Variants in SAG observed in about 807,000 individuals in gnomAD.
SAG encodes the protein S-arrestin.
SAG carries 45 observed loss-of-function variants against 55.0 expected under a neutral mutation model. The observed-to-expected ratio is 0.82, with a 90% CI of 0.64 to 1.05. The LOEUF is 1.05. Among genes scored for constraint, SAG ranks in the 50% least tolerant of loss-of-function variants. The probability of loss-of-function intolerance (pLI) is 0.00; values close to 1 mark genes in which losing one functional copy is unlikely to be tolerated. For missense variants in SAG, 455 were observed against 512.1 expected (o/e 0.89, Z 1.08); for synonymous variants, 189 against 197.4 (o/e 0.96, Z 0.36).
At chr2:233,318,475 C>T (rs1700279279) in intron 3 of SAG, among the ~76,000 whole-genome samples, 3 of 152,116 alleles carry the variant, frequency 2.0e-5, no homozygotes, top group Admixed American at 2.0e-4. Flanking sequence ...TCGAGCAGTC[C>T]TCCTGCCTTG....
rs1428448027 is a variant in SAG, at chr2:233,329,517, C to T, written c.673C>T (p.Pro225Ser). ...GATCTATTTCCATGGGGAGCCCATC[C>T]CTGTGACCGTGACTGTCACCAATAA... ...KEIYFHGEPI[P>S]VTVTVTNNTE... The change falls in exon 9 of 16, where the codon CCT becomes TCT. Residue 225 changes from proline to serine, a missense_variant. Transcript: ENST00000409110. 1.9e-6 allele frequency: 3 copies of T among 1,613,048 alleles called. No individual in the cohort carries two copies. Among genetic ancestry groups the T allele is most frequent in the Non-Finnish European group, 2.5e-6 (3 of 1,179,062 alleles).
chr2:233,324,953 C>T (rs943526513), intron 6 of SAG, among the ~76,000 whole-genome samples: 7 of 151,990 alleles, frequency 4.6e-5, no homozygotes, highest in African/African-American at 7.2e-5. Flanking sequence ...AGACAGGGTG[C>T]GGTGGCTCAT....
chr2:233,322,807 G>A lies in SAG; in HGVS notation c.376-139G>A, dbSNP rs1433409822. On this transcript the variant is annotated intron_variant, in intron 5 of 15. Transcript: ENST00000409110. ...GGTTATGTTAGCAATATGTATTTGG[G>A]TGTCAGGAGTATAGGTGAATGTGAT... is the stretch of plus-strand genomic sequence containing the variant. The A allele has an allele frequency of 1.8e-5, 11 of 626,002 alleles. No homozygotes were observed. The East Asian group carries it at 3.1e-4, about 18-fold the overall frequency. 38.8% of individuals were successfully genotyped at this position (626,002 alleles called of 1,614,324 possible). A position where few individuals can be genotyped will look rare whatever the true frequency, so the allele number is the denominator to read the frequency against.
At chr2:233,325,867 G>A (rs970252202) in intron 6 of SAG, among the ~76,000 whole-genome samples, 1 of 152,046 alleles carries the variant, frequency 6.6e-6, no homozygotes, top group Non-Finnish European at 1.5e-5. Context: ...CCAGGTGGGC[G>A]AGCAGAACAG....
At position 233,340,217 on chromosome 2, in the gene SAG, A is replaced by C. The variant is rs939063078; in HGVS notation, c.1023-238A>C. On this transcript the variant is annotated intron_variant, in intron 12 of 15. Transcript: ENST00000409110. This position sits in a 1 kb window ranked among gnomAD's most constrained non-coding sequence, Gnocchi z 4.2. ...AGTGATCCGCCCACCTCGGCCTCCC[A>C]AAGTGCTGGGATTACAGGCATGATC... Among the ~76,000 whole-genome samples the C allele has an allele frequency of 6.6e-6, 1 of 152,092 alleles. No individual in the cohort carries two copies. Among genetic ancestry groups the C allele is most frequent in the Non-Finnish European group, 1.5e-5 (1 of 68,012 alleles).
chr2:233,331,616 C>G, intron 9 of SAG, 24 bp from the exon 10 acceptor site: 1 of 1,561,508 alleles, frequency 6.4e-7, no homozygotes, highest in South Asian at 1.1e-5. Flanking sequence ...TGCTGACCAC[C>G]GGACTCCCGT....
chr2:233,329,387 C>T (rs776726934), intron 8 of SAG, 106 bp from the exon 9 acceptor site: 31 of 725,028 alleles, frequency 4.3e-5, no homozygotes, highest in East Asian at 3.7e-4. Flanking sequence ...TAAATTCTGC[C>T]GCTTTTATTC....
chr2:233,330,535 T>C (rs1382176756), intron 9 of SAG, among the ~76,000 whole-genome samples: 2 of 134,648 alleles, frequency 1.5e-5, no homozygotes, highest in South Asian at 2.4e-4. Flanking sequence ...CTTCCTTCCT[T>C]CCTTCCTCCC....
At chr2:233,339,023 G>A (rs1701021825) in intron 12 of SAG, among the ~76,000 whole-genome samples, 1 of 152,232 alleles carries the variant, frequency 6.6e-6, no homozygotes, top group Admixed American at 6.5e-5. Flanking sequence ...ATATGTGCAT[G>A]TGGTAGAAGC....
intron 1 of SAG, 31 bp from the exon 2 acceptor site, chr2:233,309,131 C>A: frequency 7.3e-7 from 1 of 1,373,040 alleles, no homozygotes; most frequent in Non-Finnish European, 1.0e-6. Flanking sequence ...TACCTTTCTC[C>A]AACCCTCTAA....
chr2:233,322,821 G>A, intron 5 of SAG, 125 bp from the exon 6 acceptor site: 1 of 673,280 alleles, frequency 1.5e-6, no homozygotes, highest in Non-Finnish European at 2.6e-6. Flanking sequence ...CAGGAGTATA[G>A]GTGAATGTGA....
intron 13 of SAG, among the ~76,000 whole-genome samples, chr2:233,341,395 C>T (rs1701098837): frequency 6.6e-6 from 1 of 152,188 alleles, no homozygotes; most frequent in African/African-American, 2.4e-5. Flanking sequence ...ATTTAAAAGG[C>T]AGCTGTCACT....
intron 14 of SAG, chr2:233,344,101 AAGAT>A (rs1253031185): frequency 2.0e-5 from 3 of 152,486 alleles, no homozygotes; most frequent in African/African-American, 7.2e-5. Context: ...GGACATTAAA[AAGAT>A]AGTCACTTGA....
At chr2:233,308,978 C>T in intron 1 of SAG, 184 bp from the exon 2 acceptor site, 1 of 491,066 alleles carries the variant, frequency 2.0e-6, no homozygotes, top group Admixed American at 3.4e-5. Flanking sequence ...CCAAAGCATG[C>T]TGCAGTAAAA....
chr2:233,318,948 A>C (rs761012538), intron 4 of SAG, 153 bp downstream of exon 4: 1 of 755,614 alleles, frequency 1.3e-6, no homozygotes, highest in Admixed American at 1.9e-5. Flanking sequence ...ACTGACCCAC[A>C]CTCCTGTACC....
intron 1 of SAG, 34 bp from the exon 2 acceptor site, chr2:233,309,128 C>T: frequency 7.5e-7 from 1 of 1,327,436 alleles, no homozygotes; most frequent in Non-Finnish European, 1.1e-6. Context: ...TCTTACCTTT[C>T]TCCAACCCTC....
intron 11 of SAG, among the ~76,000 whole-genome samples, chr2:233,335,325 C>G (rs768013542): frequency 2.5e-4 from 38 of 152,228 alleles, no homozygotes; most frequent in Non-Finnish European, 4.7e-4. Context: ...GTGCGCTAAC[C>G]CCAGCTCTGC....
Position 233,335,104 on chromosome 2 carries a change from G to A in SAG, c.944+5G>A, listed in dbSNP as rs374048703. The A allele has an allele frequency of 1.5e-4, 235 of 1,607,754 alleles. No individual in the cohort carries two copies. The highest frequency in any genetic ancestry group is 1.8e-4 in the Non-Finnish European group (211 of 1,174,992). ...AAACCTTGCCTCCAGCACCATGTGA[G>A]TCCTCGAGGCTCAGGGAATAAGCCC... On this transcript the variant is annotated splice_donor_5th_base_variant and intron_variant, in intron 11 of 15. Transcript: ENST00000409110.
In SAG at chr2:233,327,125, G is replaced by T. The variant is rs753107507; in HGVS notation, c.440G>T (p.Cys147Phe). The T allele has an allele frequency of 1.2e-6, 2 of 1,613,708 alleles. No homozygotes were observed. Among genetic ancestry groups the T allele is most frequent in the Admixed American group, 3.3e-5 (2 of 60,028 alleles). ...QPAPQDSGKS[C>F]GVDFEVKAFA... The stretch of plus-strand genomic sequence containing the variant: ...TCTGCTCTCTCTCCCCAACAGTCCT[G>T]TGGGGTTGACTTTGAGGTCAAAGCA... Residue 147 changes from cysteine (C) to phenylalanine (F), a missense_variant, in exon 7 of 16, where the codon TGT becomes TTT. Coordinates refer to ENST00000409110, the MANE Select transcript of SAG (RefSeq NM_000541.5).
Sources: allele counts gnomAD v4.1 joint callset (sites outside exome capture counted in the v4.1 genomes callset), GRCh38; gene constraint gnomAD v4.1.1; non-coding constraint Gnocchi (gnomAD v3.1); transcripts MANE v1.5; gene names NCBI Gene and HGNC (gene_info 2026-07-23, HGNC 2026-07-21).